Variants in MCC observed in about 807,000 individuals in gnomAD.
MCC encodes the protein MCC regulator of Wnt signaling pathway.
In MCC, 90 loss-of-function variants were observed where a neutral mutation model predicts 116.2. The observed-to-expected ratio is 0.77, with a 90% CI of 0.65 to 0.92. The LOEUF (loss-of-function observed/expected upper bound fraction) is 0.92, where lower values mean the gene tolerates loss of function less well. Among genes scored for constraint, MCC ranks in the 40% least tolerant of loss-of-function variants. The probability of loss-of-function intolerance (pLI) is 0.00; values close to 1 mark genes in which losing one functional copy is unlikely to be tolerated. For synonymous variants in MCC, 578 were observed against 510.5 expected (o/e 1.13, Z -1.78); for missense variants, 1,516 against 1,312.2 (o/e 1.16, Z -2.40).
At chr5:113,101,621 G>C in intron 8 of MCC, 118 bp downstream of exon 8, 2 of 1,008,372 alleles carry the variant, frequency 2.0e-6, no homozygotes, top group Non-Finnish European at 3.0e-6. Flanking sequence ...GAAAGAGACA[G>C]TGATTCCCAA....
chr5:113,095,884 TC>T (rs1386167734), intron 8 of MCC, among the ~76,000 whole-genome samples: 1 of 152,036 alleles, frequency 6.6e-6, no homozygotes, highest in Non-Finnish European at 1.5e-5. Flanking sequence ...ACAGAGCCTT[TC>T]TTAAAAATAA....
At chr5:113,299,034 A>G (rs1392626627) in intron 3 of MCC, among the ~76,000 whole-genome samples, 2 of 151,948 alleles carry the variant, frequency 1.3e-5, no homozygotes, top group African/African-American at 2.4e-5. Flanking sequence ...CACACCTGTA[A>G]TCCCAGCTCT....
rs114768544 is a variant in MCC, at chr5:113,157,972, C to T, written c.628-6550G>A. On this transcript the variant is annotated intron_variant, in intron 3 of 18. Transcript: ENST00000408903. ...GAACACAAGCACTGTGATGCCATGG[C>T]ATTTGATGTGATAACCCAGCTGGCT... 3.2e-3 allele frequency among the ~76,000 whole-genome samples: 494 copies of T among 152,260 alleles called. 6 individuals are homozygous for T. Among genetic ancestry groups the T allele is most frequent in the African/African-American group, 0.011 (466 of 41,532 alleles).
intron 3 of MCC, among the ~76,000 whole-genome samples, chr5:113,316,482 A>T (rs560304440): frequency 1.3e-5 from 2 of 152,180 alleles, no homozygotes; most frequent in Non-Finnish European, 2.9e-5. Flanking sequence ...AATTCTCATA[A>T]GGATTGAATA....
At chr5:113,480,884 C>T (rs972717962) in intron 1 of MCC, among the ~76,000 whole-genome samples, 4 of 152,166 alleles carry the variant, frequency 2.6e-5, no homozygotes, top group African/African-American at 4.8e-5. Context: ...AACTGATCCT[C>T]CCTCCTCAGC....
At chr5:113,159,782 T>G (rs185973632) in intron 3 of MCC, among the ~76,000 whole-genome samples, 2 of 152,324 alleles carry the variant, frequency 1.3e-5, no homozygotes, top group East Asian at 3.9e-4. Flanking sequence ...ACTGGAACAT[T>G]CCTCTTTACT....
intron 17 of MCC, among the ~76,000 whole-genome samples, chr5:113,033,890 G>C (rs1580883518): frequency 6.6e-6 from 1 of 152,008 alleles, no homozygotes; most frequent in Admixed American, 6.6e-5. Flanking sequence ...GCAGAGCCAG[G>C]GTGGGACTTT....
chr5:113,460,062 A>C (rs1420877628), intron 1 of MCC, among the ~76,000 whole-genome samples: 1 of 152,236 alleles, frequency 6.6e-6, no homozygotes, highest in East Asian at 1.9e-4. Context: ...TTGCCTAAGA[A>C]GAGTCCCTTG....
At chr5:113,334,590 ATTT>A (rs58288026) in intron 3 of MCC, among the ~76,000 whole-genome samples, 5 of 120,882 alleles carry the variant, frequency 4.1e-5, no homozygotes, top group African/African-American at 6.8e-5. Flanking sequence ...CTGATTTCTG[ATTT>A]TTTTTTTTTT....
At chr5:113,199,340 G>A (rs1762576137) in intron 3 of MCC, among the ~76,000 whole-genome samples, 1 of 152,102 alleles carries the variant, frequency 6.6e-6, no homozygotes, top group African/African-American at 2.4e-5. Flanking sequence ...GGCCCTCTTT[G>A]TGGGACCAAT....
At chr5:113,069,489 A>G (rs1311285103) in intron 12 of MCC, among the ~76,000 whole-genome samples, 1 of 152,252 alleles carries the variant, frequency 6.6e-6, no homozygotes, top group Non-Finnish European at 1.5e-5. Flanking sequence ...TTCCTCTTTA[A>G]GAAAGTAACT....
At chr5:113,033,927 C>T (rs1751139799) in intron 17 of MCC, among the ~76,000 whole-genome samples, 1 of 152,214 alleles carries the variant, frequency 6.6e-6, no homozygotes. Context: ...GATCTGTCAT[C>T]CAGGCTGGAG....
intron 1 of MCC, among the ~76,000 whole-genome samples, chr5:113,416,831 C>T (rs555775539): frequency 6.6e-6 from 1 of 152,024 alleles, no homozygotes; most frequent in Non-Finnish European, 1.5e-5. Context: ...ACATTTTTGA[C>T]AATTAAAATA....
chr5:113,117,295 T>C (rs894553267), intron 6 of MCC, among the ~76,000 whole-genome samples: 4 of 152,304 alleles, frequency 2.6e-5, no homozygotes, highest in African/African-American at 9.6e-5. Flanking sequence ...GCATCAAACA[T>C]ATTTCACAGT....
chr5:113,139,662 T>A (rs1017463520), intron 5 of MCC, among the ~76,000 whole-genome samples: 3 of 152,174 alleles, frequency 2.0e-5, no homozygotes, highest in Non-Finnish European at 4.4e-5. Context: ...GGTGGGAGTG[T>A]AAATTAGTTC....
intron 5 of MCC, among the ~76,000 whole-genome samples, chr5:113,124,891 G>A (rs1757953884): frequency 6.6e-6 from 1 of 152,236 alleles, no homozygotes; most frequent in African/African-American, 2.4e-5. Flanking sequence ...GAACACTGGT[G>A]GAATATCTGG....
At chr5:113,437,581 C>A (rs1770899677) in intron 1 of MCC, among the ~76,000 whole-genome samples, 1 of 152,184 alleles carries the variant, frequency 6.6e-6, no homozygotes, top group South Asian at 2.1e-4. Context: ...AGATGATACA[C>A]ATACACTCAC....
chr5:113,075,511 G>C (rs1754377329), intron 11 of MCC, among the ~76,000 whole-genome samples: 1 of 152,208 alleles, frequency 6.6e-6, no homozygotes. Flanking sequence ...GAGTCGGGTG[G>C]GGTCTTGGAG....
At chr5:113,214,763 G>A (rs897579764) in intron 3 of MCC, among the ~76,000 whole-genome samples, 11 of 152,136 alleles carry the variant, frequency 7.2e-5, no homozygotes, top group African/African-American at 2.4e-4. Flanking sequence ...GTAGCCAAGC[G>A]CACCTTCTAA....
Sources: allele counts gnomAD v4.1 joint callset (sites outside exome capture counted in the v4.1 genomes callset), GRCh38; gene constraint gnomAD v4.1.1; transcripts MANE v1.5; gene names NCBI Gene and HGNC (gene_info 2026-07-23, HGNC 2026-07-21).